GABRG3: variants seen among roughly 807,000 people sequenced by gnomAD.
GABRG3 encodes gamma-aminobutyric acid type A receptor subunit gamma3.
Under a neutral mutation model 48.8 loss-of-function variants are expected in GABRG3, and 25 were observed. The ratio of observed to expected loss-of-function variants is 0.51; its 90% CI spans 0.37 to 0.72. The LOEUF (loss-of-function observed/expected upper bound fraction) is 0.72, where lower values mean the gene tolerates loss of function less well. Among genes scored for constraint, GABRG3 ranks in the 30% least tolerant of loss-of-function variants. The pLI, the probability that GABRG3 is intolerant of heterozygous loss-of-function variation, is 0.00. For missense variants in GABRG3, 394 were observed against 577.9 expected (o/e 0.68, Z 3.26); for synonymous variants, 227 against 217.6 (o/e 1.04, Z -0.38).
chr15:27,358,832 CCTGGTTGCTGTGTGCT>C (rs1161704849), intron 5 of GABRG3, among the ~76,000 whole-genome samples: 1 of 152,206 alleles, frequency 6.6e-6, no homozygotes, highest in Non-Finnish European at 1.5e-5. Context: ...CGTAGGAGGG[CCTGGTTGCTGTGTGCT>C]CTGGGAGCTT....
intron 3 of GABRG3, among the ~76,000 whole-genome samples, chr15:27,126,319 C>G (rs550912881): frequency 6.6e-6 from 1 of 152,340 alleles, no homozygotes; most frequent in African/African-American, 2.4e-5. Flanking sequence ...CAAAGCTACC[C>G]AGCATGTAGG....
intron 5 of GABRG3, among the ~76,000 whole-genome samples, chr15:27,420,501 C>G (rs575784743): frequency 6.6e-6 from 1 of 151,998 alleles, no homozygotes. Context: ...TATTCCACAC[C>G]GGGAATTTGC....
intron 3 of GABRG3, among the ~76,000 whole-genome samples, chr15:27,308,692 T>TATAATGTAAACACACGTTTATATGTAAAC (rs1892857493): frequency 6.7e-6 from 1 of 149,038 alleles, no homozygotes; most frequent in African/African-American, 2.5e-5. Flanking sequence ...TGTATAAACA[T>TATAATGTAAACACACGTTTATATGTAAAC]ATAATGTAAA....
chr15:27,347,147 A>C (rs1894402716), intron 5 of GABRG3, among the ~76,000 whole-genome samples: 2 of 151,986 alleles, frequency 1.3e-5, no homozygotes, highest in African/African-American at 4.8e-5. Flanking sequence ...ATATTTTTCT[A>C]GCATCCTTGT....
intron 4 of GABRG3, 93 bp from the exon 5 acceptor site, chr15:27,328,713 G>A (rs1566788307): frequency 1.5e-5 from 14 of 963,288 alleles, no homozygotes; most frequent in Admixed American, 1.9e-5. Flanking sequence ...GTGACGGAAC[G>A]GCCCTCTCCA....
At chr15:27,484,878 T>C (rs1890183781) in intron 6 of GABRG3, among the ~76,000 whole-genome samples, 1 of 152,060 alleles carries the variant, frequency 6.6e-6, no homozygotes, top group African/African-American at 2.4e-5. Flanking sequence ...AAAATAAATA[T>C]CCATGAGGCC....
intron 3 of GABRG3, among the ~76,000 whole-genome samples, chr15:27,082,392 C>A (rs1036721025): frequency 7.2e-5 from 11 of 152,126 alleles, no homozygotes; most frequent in African/African-American, 2.7e-4. Flanking sequence ...TGCATTTATG[C>A]GGGGAACGCA....
At chr15:27,035,287 T>C (rs1045700577) in intron 3 of GABRG3, among the ~76,000 whole-genome samples, 5 of 152,100 alleles carry the variant, frequency 3.3e-5, no homozygotes, top group African/African-American at 9.7e-5. Context: ...TAGGATGGGG[T>C]GTTGTCTATT....
chr15:27,132,994 G>A (rs1354423467), intron 3 of GABRG3, among the ~76,000 whole-genome samples: 5 of 150,822 alleles, frequency 3.3e-5, no homozygotes, highest in African/African-American at 1.2e-4. Context: ...TTTTTATGTG[G>A]TCTTTTAATT....
At chr15:27,467,642 C>T (rs1003544627) in intron 5 of GABRG3, among the ~76,000 whole-genome samples, 3 of 152,256 alleles carry the variant, frequency 2.0e-5, no homozygotes, top group Non-Finnish European at 4.4e-5. Flanking sequence ...CTAAATATAG[C>T]CTTTAGTTCT....
At chr15:27,227,329 A>G (rs1595598470) in intron 3 of GABRG3, among the ~76,000 whole-genome samples, 2 of 152,158 alleles carry the variant, frequency 1.3e-5, no homozygotes, top group Admixed American at 1.3e-4. Flanking sequence ...TGTCTCCTCC[A>G]AAAACAGAAA....
chr15:27,523,786 A>C (rs1450977759), intron 7 of GABRG3, among the ~76,000 whole-genome samples: 3 of 151,942 alleles, frequency 2.0e-5, no homozygotes, highest in Non-Finnish European at 2.9e-5. Context: ...GTGAACCATG[A>C]GATAGAACAA....
chr15:27,056,379 G>T (rs7165415), intron 3 of GABRG3, among the ~76,000 whole-genome samples: 1 of 143,878 alleles, frequency 7.0e-6, no homozygotes, highest in South Asian at 2.3e-4. Flanking sequence ...AAAAAGAAAA[G>T]AAAAAAGAAA....
chr15:27,507,599 C>T (rs4778147), intron 6 of GABRG3, among the ~76,000 whole-genome samples: 70,427 of 151,954 alleles, frequency 0.46, 16,728 homozygotes, highest in Non-Finnish European at 0.54. Context: ...GCCGAACATT[C>T]TATATGTATT....
At chr15:27,020,743 T>C (rs1477687724) in intron 2 of GABRG3, among the ~76,000 whole-genome samples, 1 of 152,176 alleles carries the variant, frequency 6.6e-6, no homozygotes, top group Non-Finnish European at 1.5e-5. Context: ...TCGCTTGTTT[T>C]TGAATGAATG....
At chr15:27,351,712 T>TTG (rs377085243) in intron 5 of GABRG3, among the ~76,000 whole-genome samples, 4,454 of 148,102 alleles carry the variant, frequency 0.03, 192 homozygotes, top group African/African-American at 0.1. Flanking sequence ...TATGGGGTAT[T>TTG]TGTGTGTGTG....
rs76769194 is a variant in GABRG3, at chr15:27,426,017, C to T, written c.575-54633C>T. Among the ~76,000 whole-genome samples, 1,475 of 152,266 alleles carry T rather than the reference C, an allele frequency of 9.7e-3. 21 individuals are homozygous for T. Among genetic ancestry groups the T allele is most frequent in the African/African-American group, 0.034 (1,394 of 41,550 alleles). On this transcript the variant is annotated intron_variant, in intron 5 of 9. Transcript: ENST00000615808. ...TGGAGAATGTTATAGAACAATCACTCGTTAGCACAGTCTGAGTTTGCACCA... is the reference window on the plus strand; with the variant it reads ...TGGAGAATGTTATAGAACAATCACTTGTTAGCACAGTCTGAGTTTGCACCA...
chr15:27,464,573 C>T (rs943529156), intron 5 of GABRG3, among the ~76,000 whole-genome samples: 1 of 152,278 alleles, frequency 6.6e-6, no homozygotes, highest in African/African-American at 2.4e-5. Context: ...CACCATTTTG[C>T]ACTCCCACCA....
intron 5 of GABRG3, among the ~76,000 whole-genome samples, chr15:27,445,450 T>G (rs183140979): frequency 2.8e-3 from 433 of 152,338 alleles, no homozygotes; most frequent in African/African-American, 9.4e-3. Flanking sequence ...TGAGCATCTT[T>G]TTATGTGTTT....
Sources: gnomAD v4.1 joint callset for allele counts (sites outside exome capture counted in the v4.1 genomes callset) on GRCh38, gnomAD v4.1.1 for gene constraint, MANE v1.5 for transcripts, NCBI Gene and HGNC (gene_info 2026-07-23, HGNC 2026-07-21) for gene names.